CSMD3: variants seen among roughly 807,000 people sequenced by gnomAD.
CSMD3 encodes the protein CUB and sushi domain-containing protein 3.
Under a neutral mutation model 435.2 loss-of-function variants are expected in CSMD3, and 177 were observed. The observed-to-expected ratio is 0.41, with a 90% CI of 0.36 to 0.46. The LOEUF (loss-of-function observed/expected upper bound fraction) is 0.46, where lower values mean the gene tolerates loss of function less well. Among genes scored for constraint, CSMD3 ranks in the 20% least tolerant of loss-of-function variants. The pLI, the probability that CSMD3 is intolerant of heterozygous loss-of-function variation, is 0.34. For missense variants in CSMD3, 4,265 were observed against 4,504.6 expected (o/e 0.95, Z 1.52); for synonymous variants, 1,656 against 1,520.5 (o/e 1.09, Z -2.07).
intron 22 of CSMD3, among the ~76,000 whole-genome samples, chr8:112,601,789 T>C (rs769452984): frequency 2.0e-5 from 3 of 152,232 alleles, no homozygotes; most frequent in Non-Finnish European, 4.4e-5. Context: ...GTTCAATTAA[T>C]ATTTTTATAT....
intron 47 of CSMD3, 65 bp downstream of exon 47, chr8:112,318,772 C>T: frequency 1.9e-6 from 2 of 1,032,690 alleles, no homozygotes; most frequent in Non-Finnish European, 3.0e-6. Flanking sequence ...CTCAATCATA[C>T]CTATATTAAG....
At chr8:112,875,728 T>A (rs2081263932) in intron 10 of CSMD3, among the ~76,000 whole-genome samples, 1 of 152,178 alleles carries the variant, frequency 6.6e-6, no homozygotes, top group Non-Finnish European at 1.5e-5. Flanking sequence ...TACTTGTGTA[T>A]GCTTCATGAA....
At chr8:112,708,504 G>C (rs1314231910) in intron 13 of CSMD3, among the ~76,000 whole-genome samples, 1 of 151,970 alleles carries the variant, frequency 6.6e-6, no homozygotes, top group Non-Finnish European at 1.5e-5. Flanking sequence ...GGATATTAGA[G>C]TGGAGACCAA....
At chr8:112,681,030 T>C (rs532945488) in intron 16 of CSMD3, among the ~76,000 whole-genome samples, 1 of 151,352 alleles carries the variant, frequency 6.6e-6, no homozygotes, top group Middle Eastern at 3.4e-3. Flanking sequence ...GTATACTTTT[T>C]TCCTTTTTCT....
intron 32 of CSMD3, among the ~76,000 whole-genome samples, chr8:112,438,325 AAACTCTAAC>A (rs1263841173): frequency 1.3e-5 from 2 of 152,204 alleles, no homozygotes; most frequent in African/African-American, 4.8e-5. Flanking sequence ...TTCTGGTTAT[AAACTCTAAC>A]ATGTGACAGA....
At chr8:112,459,362 G>T (rs201406743) in intron 32 of CSMD3, among the ~76,000 whole-genome samples, 29,428 of 121,494 alleles carry the variant, frequency 0.24, 3,410 homozygotes, top group Middle Eastern at 0.43. Context: ...TGTGTGTGGG[G>T]GGGGGGGGTT....
At chr8:112,480,086 C>T (rs1477301967) in intron 31 of CSMD3, among the ~76,000 whole-genome samples, 1 of 152,198 alleles carries the variant, frequency 6.6e-6, no homozygotes, top group Non-Finnish European at 1.5e-5. Context: ...CCACCCCTCA[C>T]ACAAGAATGT....
At chr8:112,957,577 TC>T (rs1285027423) in intron 7 of CSMD3, among the ~76,000 whole-genome samples, 1 of 138,220 alleles carries the variant, frequency 7.2e-6, no homozygotes, top group African/African-American at 2.7e-5. Context: ...CCTCAGCCCC[TC>T]GAGTAGCTGG....
At chr8:112,610,386 G>A (rs1409783490) in intron 22 of CSMD3, among the ~76,000 whole-genome samples, 1 of 151,054 alleles carries the variant, frequency 6.6e-6, no homozygotes, top group Non-Finnish European at 1.5e-5. Flanking sequence ...GTACAGGAAT[G>A]TATTGATCTC....
At chr8:112,497,015 C>T (rs898775666) in intron 30 of CSMD3, among the ~76,000 whole-genome samples, 9 of 152,074 alleles carry the variant, frequency 5.9e-5, no homozygotes, top group South Asian at 2.1e-4. Flanking sequence ...CGTTTACCCT[C>T]GTGTCAGTTA....
intron 2 of CSMD3, among the ~76,000 whole-genome samples, chr8:113,300,761 A>G (rs1378334321): frequency 3.3e-5 from 5 of 152,062 alleles, no homozygotes; most frequent in Non-Finnish European, 7.4e-5. Flanking sequence ...TGGTGATGGG[A>G]TTATATGTAT....
At chr8:113,247,933 T>A (rs1233610728) in intron 3 of CSMD3, among the ~76,000 whole-genome samples, 1 of 152,086 alleles carries the variant, frequency 6.6e-6, no homozygotes, top group Non-Finnish European at 1.5e-5. Context: ...TTTCGTGAGC[T>A]AGGTCATATT....
intron 22 of CSMD3, among the ~76,000 whole-genome samples, chr8:112,625,059 C>T (rs967718521): frequency 6.6e-6 from 1 of 151,736 alleles, no homozygotes; most frequent in African/African-American, 2.4e-5. Context: ...GAAAAGAAAA[C>T]ATAGTAAAGT....
At chr8:112,732,914 T>A (rs2077106469) in intron 13 of CSMD3, among the ~76,000 whole-genome samples, 2 of 152,094 alleles carry the variant, frequency 1.3e-5, no homozygotes. Flanking sequence ...ACTACCAAAC[T>A]TATATGTTAC....
intron 35 of CSMD3, among the ~76,000 whole-genome samples, chr8:112,401,342 T>A (rs1366037022): frequency 6.6e-6 from 1 of 152,172 alleles, no homozygotes; most frequent in African/African-American, 2.4e-5. Context: ...TTTTAATTTT[T>A]CCTTTTCTCT....
chr8:113,407,875 G>T (rs956911896), intron 1 of CSMD3, among the ~76,000 whole-genome samples: 3 of 152,062 alleles, frequency 2.0e-5, no homozygotes, highest in African/African-American at 7.2e-5. Flanking sequence ...CTAAATTGCT[G>T]CATGTTTTCT....
chr8:113,068,882 C>T (rs2131394346), intron 5 of CSMD3, among the ~76,000 whole-genome samples: 2 of 151,450 alleles, frequency 1.3e-5, no homozygotes, highest in Middle Eastern at 6.8e-3. Flanking sequence ...GGTTTTATGG[C>T]TGGGAAATGA....
At chr8:112,541,761 A>C (rs1227840431) in intron 27 of CSMD3, among the ~76,000 whole-genome samples, 1 of 151,950 alleles carries the variant, frequency 6.6e-6, no homozygotes, top group East Asian at 1.9e-4. Context: ...AAAAACAAAC[A>C]AAAAAATTTC....
intron 5 of CSMD3, among the ~76,000 whole-genome samples, chr8:113,078,019 G>A (rs2089416515): frequency 6.6e-6 from 1 of 152,170 alleles, no homozygotes; most frequent in South Asian, 2.1e-4. Context: ...AACTCAATGA[G>A]TTAAAAACTA....
Sources: allele counts gnomAD v4.1 joint callset (sites outside exome capture counted in the v4.1 genomes callset), GRCh38; gene constraint gnomAD v4.1.1; transcripts MANE v1.5; gene names NCBI Gene and HGNC (gene_info 2026-07-23, HGNC 2026-07-21).